Variants in KCNMA1 observed in about 807,000 individuals in gnomAD.
KCNMA1 encodes Calcium-activated potassium channel subunit alpha-1.
Under a neutral mutation model 140.0 loss-of-function variants are expected in KCNMA1, and 29 were observed. The ratio of observed to expected loss-of-function variants is 0.21; its 90% CI spans 0.15 to 0.28. The LOEUF (loss-of-function observed/expected upper bound fraction) is 0.28. Ranked by LOEUF, KCNMA1 falls within the 10% of genes least tolerant of loss-of-function variation. The probability of loss-of-function intolerance (pLI) is 1.00; values close to 1 mark genes in which losing one functional copy is unlikely to be tolerated. For missense variants in KCNMA1, 880 were observed against 1,602.2 expected (o/e 0.55, Z 7.70); for synonymous variants, 612 against 611.9 (o/e 1.00, Z 0.00).
intron 16 of KCNMA1, 82 bp downstream of exon 16, chr10:77,027,741 A>C: frequency 9.2e-7 from 1 of 1,082,594 alleles, no homozygotes; most frequent in Non-Finnish European, 1.4e-6. Context: ...ATGCACAAGA[A>C]AGCAGAAGTG....
intron 15 of KCNMA1, among the ~76,000 whole-genome samples, chr10:77,030,099 G>A (rs1403665044): frequency 6.6e-6 from 1 of 152,192 alleles, no homozygotes; most frequent in East Asian, 1.9e-4. Context: ...TGAGGTTGTG[G>A]TCCACAGCAC....
chr10:77,373,002 G>A (rs910942108), intron 2 of KCNMA1: 1 of 152,244 alleles, frequency 6.6e-6, no homozygotes. Flanking sequence ...CAGATTATGT[G>A]AAGTTACACA....
chr10:77,309,234 T>C (rs553466018), intron 2 of KCNMA1, among the ~76,000 whole-genome samples: 2 of 152,356 alleles, frequency 1.3e-5, no homozygotes, highest in East Asian at 3.9e-4. Flanking sequence ...AAGGGGATCA[T>C]AGACATACAT....
chr10:77,276,395 C>T (rs993587108), intron 2 of KCNMA1, among the ~76,000 whole-genome samples: 3 of 152,180 alleles, frequency 2.0e-5, no homozygotes, highest in Admixed American at 6.5e-5. Context: ...CCTCCCACAG[C>T]AAAGGGCATA....
chr10:77,007,114 A>G (rs1033103494), intron 18 of KCNMA1, among the ~76,000 whole-genome samples: 3 of 152,194 alleles, frequency 2.0e-5, no homozygotes, highest in African/African-American at 7.2e-5. Flanking sequence ...AAACATGAAT[A>G]AAGACCCAAA....
chr10:77,302,347 A>G (rs148732820), intron 2 of KCNMA1, among the ~76,000 whole-genome samples: 86 of 152,122 alleles, frequency 5.7e-4, no homozygotes, highest in Middle Eastern at 3.4e-3. Flanking sequence ...TTAAGCACTT[A>G]ATTAATGGTG....
rs553402541 is a variant in KCNMA1 at position 77,131,151 on chromosome 10, G to A, written c.809-10103C>T. Among the ~76,000 whole-genome samples the A allele has an allele frequency of 4.6e-5, 7 of 152,306 alleles. 1 individual carries two copies. In the South Asian group the frequency reaches 1.4e-3, roughly 32 times the overall value. On this transcript the variant is annotated intron_variant, in intron 5 of 27. Transcript: ENST00000286628. ...GTGTTAAAATAGAGCAATATCCTGA[G>A]TAAACTGTAACTCTTGGAAGAAACA...
intron 1 of KCNMA1, among the ~76,000 whole-genome samples, chr10:77,500,393 A>T (rs2043441715): frequency 6.6e-6 from 1 of 152,186 alleles, no homozygotes. Context: ...CACACCTGTA[A>T]TCCCACTGCT....
intron 1 of KCNMA1, among the ~76,000 whole-genome samples, chr10:77,519,116 C>T (rs970921114): frequency 6.6e-6 from 1 of 152,264 alleles, no homozygotes; most frequent in African/African-American, 2.4e-5. Context: ...AAGCCACACA[C>T]CACGTCTGCT....
chr10:76,959,733 A>G (rs1254262969), intron 20 of KCNMA1, among the ~76,000 whole-genome samples: 2 of 152,180 alleles, frequency 1.3e-5, no homozygotes, highest in Non-Finnish European at 2.9e-5. Context: ...TAATACTACT[A>G]CTATTGCTGC....
intron 1 of KCNMA1, among the ~76,000 whole-genome samples, chr10:77,603,109 A>G (rs956838221): frequency 3.9e-5 from 6 of 152,206 alleles, no homozygotes; most frequent in Admixed American, 2.0e-4. Context: ...AGAGGGAAAC[A>G]AATCAGGCAT....
At chr10:77,342,684 C>T (rs2091228993) in intron 2 of KCNMA1, among the ~76,000 whole-genome samples, 1 of 152,176 alleles carries the variant, frequency 6.6e-6, no homozygotes, top group African/African-American at 2.4e-5. Flanking sequence ...TGCCTGCTTG[C>T]AAACTACAGA....
chr10:76,981,290 A>G (rs1310729019), intron 19 of KCNMA1, among the ~76,000 whole-genome samples: 5 of 151,984 alleles, frequency 3.3e-5, no homozygotes, highest in African/African-American at 1.2e-4. Flanking sequence ...CTTGTTTCAT[A>G]TGGCCCCAAT....
chr10:77,116,309 A>G (rs1162348564), intron 6 of KCNMA1, among the ~76,000 whole-genome samples: 1 of 152,194 alleles, frequency 6.6e-6, no homozygotes, highest in African/African-American at 2.4e-5. Context: ...CTTGTAGATT[A>G]GAGACCTCTT....
intron 2 of KCNMA1, among the ~76,000 whole-genome samples, chr10:77,337,676 T>C (rs1163437437): frequency 6.6e-6 from 1 of 152,196 alleles, no homozygotes; most frequent in Admixed American, 6.5e-5. Flanking sequence ...AATCATTTAT[T>C]ATAATCACTG....
intron 2 of KCNMA1, among the ~76,000 whole-genome samples, chr10:77,398,701 A>G (rs2096155243): frequency 1.3e-5 from 2 of 152,346 alleles, no homozygotes; most frequent in South Asian, 4.1e-4. Flanking sequence ...CTTTCAAACT[A>G]CTGTGGCAGA....
intron 15 of KCNMA1, among the ~76,000 whole-genome samples, chr10:77,037,277 G>A (rs1225472976): frequency 6.6e-6 from 1 of 152,170 alleles, no homozygotes; most frequent in East Asian, 1.9e-4. Flanking sequence ...AGATATCAGG[G>A]AGGAGTAACT....
At chr10:77,330,157 C>T (rs766307563) in intron 2 of KCNMA1, among the ~76,000 whole-genome samples, 3 of 152,144 alleles carry the variant, frequency 2.0e-5, no homozygotes, top group Non-Finnish European at 4.4e-5. Flanking sequence ...AGTTTGTTCA[C>T]TCACCCACCC....
At chr10:77,119,888 G>A (rs2097558662) in intron 6 of KCNMA1, among the ~76,000 whole-genome samples, 1 of 152,038 alleles carries the variant, frequency 6.6e-6, no homozygotes, top group African/African-American at 2.4e-5. Context: ...AACCAATTTG[G>A]AATTAAAGCA....
Sources: gnomAD v4.1 joint callset for allele counts (sites outside exome capture counted in the v4.1 genomes callset) on GRCh38, gnomAD v4.1.1 for gene constraint, MANE v1.5 for transcripts, NCBI Gene and HGNC (gene_info 2026-07-23, HGNC 2026-07-21) for gene names.